The following FADS3 variants were observed in gnomAD, a reference collection of about 807,000 sequenced individuals.
FADS3 encodes fatty acid desaturase 3.
In FADS3, 30 loss-of-function variants were observed where a neutral mutation model predicts 60.4. That is an observed-to-expected ratio of 0.50 (90% CI 0.37 to 0.67). The LOEUF is 0.67. Among genes scored for constraint, FADS3 ranks in the 30% least tolerant of loss-of-function variants. The probability of loss-of-function intolerance (pLI) is 0.00; values close to 1 mark genes in which losing one functional copy is unlikely to be tolerated. For synonymous variants in FADS3, 234 were observed against 249.3 expected (o/e 0.94, Z 0.58); for missense variants, 432 against 598.3 (o/e 0.72, Z 2.90).
At position 61,875,909 on chromosome 11, in the gene FADS3, T is replaced by C; in HGVS notation, c.1228A>G (p.Lys410Glu). The C allele has an allele frequency of 6.2e-7, 1 of 1,613,790 alleles. No homozygotes were observed. The highest frequency in any genetic ancestry group is 8.5e-7 in the Non-Finnish European group (1 of 1,180,028). Residue 410 changes from lysine (K) to glutamate (E), a missense_variant, in exon 11 of 12, where the codon AAG becomes GAG. Lys to Glu is a moderately conservative substitution (Grantham distance 56, BLOSUM62 1). Transcript: ENST00000278829. ...VAPLVKSLCA[K>E]HGLSYEVKPF... ...TTCACTTCGTAGCTGAGGCCGTGCT[T>C]GGCACACAGCGACTTGACCAGCGGG... is the stretch of plus-strand genomic sequence containing the variant.
At chr11:61,874,988 G>A (rs985222103) in intron 11 of FADS3, among the ~76,000 whole-genome samples, 3 of 152,218 alleles carry the variant, frequency 2.0e-5, no homozygotes, top group African/African-American at 4.8e-5. Flanking sequence ...CAAGGGCAAT[G>A]CCATCTTCAA....
intron 11 of FADS3, among the ~76,000 whole-genome samples, chr11:61,874,507 C>T (rs1490197097): frequency 1.3e-5 from 2 of 152,238 alleles, no homozygotes; most frequent in Non-Finnish European, 2.9e-5. Flanking sequence ...CATCACCCCT[C>T]GCCTGGATGG....
At chr11:61,882,722 A>G (rs968529146) in intron 1 of FADS3, among the ~76,000 whole-genome samples, 1 of 151,962 alleles carries the variant, frequency 6.6e-6, no homozygotes, top group Non-Finnish European at 1.5e-5. Flanking sequence ...CTGGCCTCTA[A>G]TTTTTTTATT....
chr11:61,883,708 G>C (rs1938215012), intron 1 of FADS3, among the ~76,000 whole-genome samples: 1 of 152,220 alleles, frequency 6.6e-6, no homozygotes, highest in Non-Finnish European at 1.5e-5. Flanking sequence ...ATTGAGCTGA[G>C]GATCTTGGGT....
rs758580469 is a variant in FADS3, at chr11:61,878,542, G to A, written c.717C>T (p.Pro239=). The change falls in exon 5 of 12, where the codon CCC becomes CCT. Residue 239 remains proline, a synonymous_variant. Coordinates refer to ENST00000278829, the MANE Select transcript of FADS3 (RefSeq NM_021727.5). The part of the protein sequence containing the change: ...FHKDPDVTVA[P]VFLLGESSVE... ...CGGATGACTCCCCCAGGAGGAAGAC[G>A]GGCGCCACCGTCACGTCTGGGTCTT... is the stretch of plus-strand genomic sequence containing the variant. 4.3e-6 allele frequency: 7 copies of A among 1,614,050 alleles called. No homozygotes were observed. Among genetic ancestry groups the A allele is most frequent in the African/African-American group, 1.3e-5 (1 of 74,932 alleles).
chr11:61,878,557 G>A lies in FADS3; in HGVS notation c.702C>T (p.Asp234=), dbSNP rs746423300. ...AKPNIFHKDP[D]VTVAPVFLLG... ...GGAGGAAGACGGGCGCCACCGTCAC[G>A]TCTGGGTCTTTGTGGAAGATGTTGG... The change falls in exon 5 of 12, where the codon GAC becomes GAT. Residue 234 remains aspartate, a synonymous_variant. Coordinates refer to ENST00000278829, the MANE Select transcript of FADS3 (RefSeq NM_021727.5). The A allele has an allele frequency of 5.0e-5, 81 of 1,614,078 alleles. No homozygotes were observed. In the South Asian group the frequency reaches 7.5e-4, roughly 15 times the overall value.
At chr11:61,889,783 C>G (rs1305665310) in intron 1 of FADS3, among the ~76,000 whole-genome samples, 1 of 152,218 alleles carries the variant, frequency 6.6e-6, no homozygotes, top group African/African-American at 2.4e-5. Flanking sequence ...AATGCTTGAA[C>G]CCAGGACTTT....
At chr11:61,888,844 C>A (rs1434665693) in intron 1 of FADS3, among the ~76,000 whole-genome samples, 5 of 152,158 alleles carry the variant, frequency 3.3e-5, no homozygotes, top group African/African-American at 1.2e-4. Context: ...CAAGGTCGCT[C>A]AGTGCCTCCA....
chr11:61,878,983 C>T (rs1938021671), intron 3 of FADS3, 136 bp from the exon 4 acceptor site: 1 of 718,274 alleles, frequency 1.4e-6, no homozygotes, highest in Non-Finnish European at 2.3e-6. Flanking sequence ...GGCCAGTGTC[C>T]TCTTTTTACA....
intron 5 of FADS3, 87 bp downstream of exon 5, chr11:61,878,425 G>A: frequency 6.5e-7 from 1 of 1,549,318 alleles, no homozygotes; most frequent in African/African-American, 1.4e-5. Flanking sequence ...TCAGGGGCTA[G>A]GTCAGGGGCA....
In FADS3 at chr11:61,875,982, G is replaced by C; in HGVS notation, c.1161-6C>G. 1 of 1,613,586 alleles carries C rather than the reference G, an allele frequency of 6.2e-7. No homozygotes were observed. Among genetic ancestry groups the C allele is most frequent in the Non-Finnish European group, 8.5e-7 (1 of 1,180,024 alleles). ...TCGGCATCCTGGGGAAGAGGCTGGG[G>C]GTGGGGAGCGTATGCTGGCACCTGA... On this transcript the variant is annotated splice_polypyrimidine_tract_variant and splice_region_variant and intron_variant, in intron 10 of 11. Coordinates refer to ENST00000278829, the MANE Select transcript of FADS3 (RefSeq NM_021727.5).
chr11:61,885,351 A>G (rs1938277708), intron 1 of FADS3, among the ~76,000 whole-genome samples: 1 of 152,148 alleles, frequency 6.6e-6, no homozygotes, highest in Non-Finnish European at 1.5e-5. Flanking sequence ...TCATCAGTAA[A>G]CTGGGAACCA....
chr11:61,888,817 G>A lies in FADS3; in HGVS notation c.213+2352C>T, dbSNP rs148115327. On this transcript the variant is annotated intron_variant, in intron 1 of 11. Transcript: ENST00000278829. Reference sequence around the variant, plus strand: ...CAGATGAGTAAACTGGGGCACAGAGGAGTGACATGCCTGCTTCAAGGTCGC... The same window carrying A: ...CAGATGAGTAAACTGGGGCACAGAGAAGTGACATGCCTGCTTCAAGGTCGC... Among the ~76,000 whole-genome samples the A allele has an allele frequency of 1.9e-3, 290 of 152,318 alleles. 1 individual carries two copies. The highest frequency in any genetic ancestry group is 6.6e-3 in the African/African-American group (276 of 41,568).
intron 1 of FADS3, among the ~76,000 whole-genome samples, chr11:61,889,475 C>T (rs970243395): frequency 1.3e-5 from 2 of 151,578 alleles, no homozygotes; most frequent in African/African-American, 4.8e-5. Flanking sequence ...CATGGTGAAA[C>T]CCCGTCTCTA....
intron 1 of FADS3, among the ~76,000 whole-genome samples, chr11:61,889,450 G>C (rs1031649743): frequency 6.6e-6 from 1 of 151,900 alleles, no homozygotes; most frequent in African/African-American, 2.4e-5. Flanking sequence ...AGGAGTTCGA[G>C]ACCAGCTTGG....
chr11:61,886,860 C>G (rs1320731087), intron 1 of FADS3, among the ~76,000 whole-genome samples: 1 of 152,224 alleles, frequency 6.6e-6, no homozygotes, highest in Non-Finnish European at 1.5e-5. Flanking sequence ...GCACTGGCCA[C>G]TCCCTCCTCC....
intron 11 of FADS3, among the ~76,000 whole-genome samples, chr11:61,874,428 C>T (rs1033263632): frequency 3.3e-5 from 5 of 152,200 alleles, no homozygotes; most frequent in Admixed American, 2.0e-4. Flanking sequence ...TGTACAAAGG[C>T]GCAGAGGTAT....
At chr11:61,881,085 G>A (rs1938113261) in intron 1 of FADS3, 2 of 152,216 alleles carry the variant, frequency 1.3e-5, no homozygotes, top group Admixed American at 6.5e-5. Flanking sequence ...GCCAAGGCAC[G>A]AGGATTGCTT....
In FADS3 at chr11:61,877,997, A is replaced by G; in HGVS notation, c.808+158T>C. On this transcript the variant is annotated intron_variant, in intron 6 of 11. Coordinates refer to ENST00000278829, the MANE Select transcript of FADS3 (RefSeq NM_021727.5). This position sits in a 1 kb window ranked among gnomAD's most constrained non-coding sequence, Gnocchi z 4.7. ...TGGGGCAAAGGCATGCTGCTGGGAG[A>G]GTGTGTACAGACTGCAGAGGCTGGG... The G allele has an allele frequency of 1.4e-6, 1 of 699,790 alleles. No individual in the cohort carries two copies. The highest frequency in any genetic ancestry group is 1.7e-5 in the South Asian group (1 of 60,032). 43.3% of individuals were successfully genotyped at this position (699,790 alleles called of 1,614,324 possible).
Sources: gnomAD v4.1 joint callset for allele counts (sites outside exome capture counted in the v4.1 genomes callset) on GRCh38, gnomAD v4.1.1 for gene constraint, Gnocchi (gnomAD v3.1) non-coding constraint, MANE v1.5 for transcripts, NCBI Gene and HGNC (gene_info 2026-07-23, HGNC 2026-07-21) for gene names.